Variants in PDE1A observed in about 807,000 individuals in gnomAD.
The protein encoded by PDE1A is phosphodiesterase 1A.
A neutral mutation model predicts 61.7 loss-of-function variants in PDE1A; 35 were observed. The ratio of observed to expected loss-of-function variants is 0.57; its 90% CI spans 0.43 to 0.75. The LOEUF (loss-of-function observed/expected upper bound fraction) is 0.75. Among genes scored for constraint, PDE1A ranks in the 30% least tolerant of loss-of-function variants. PDE1A has a pLI of 0.00. For missense variants in PDE1A, 597 were observed against 630.6 expected, an observed-to-expected ratio of 0.95 and a Z score of 0.57; for synonymous variants, 232 against 213.2, an observed-to-expected ratio of 1.09 and a Z score of -0.77.
chr2:182,551,624 C>T, the PDE1A span, among the ~76,000 whole-genome samples: 5 of 152,080 alleles, frequency 3.3e-5, no homozygotes, highest in African/African-American at 9.7e-5. Flanking sequence ...ACCAGTTCCC[C>T]CTAGAAAGCA....
At chr2:182,385,637 G>GA (rs372747169) in intron 1 of PDE1A, among the ~76,000 whole-genome samples, 4,694 of 53,802 alleles carry the variant, frequency 0.087, 515 homozygotes, top group Non-Finnish European at 0.11. Flanking sequence ...AAGAAAGAAA[G>GA]AAGAAGAAAG....
intron 2 of PDE1A, among the ~76,000 whole-genome samples, chr2:182,252,640 C>G (rs1420193631): frequency 6.6e-6 from 1 of 152,176 alleles, no homozygotes; most frequent in Non-Finnish European, 1.5e-5. Context: ...ACCTCTAATC[C>G]AAGACAAACT....
the PDE1A span, among the ~76,000 whole-genome samples, chr2:182,532,681 G>C: frequency 1.3e-5 from 2 of 152,244 alleles, no homozygotes; most frequent in African/African-American, 4.8e-5. Flanking sequence ...GAATTTGCCA[G>C]GCACAGTGGC....
chr2:182,154,630 C>T (rs1690967775), intron 13 of PDE1A, among the ~76,000 whole-genome samples: 1 of 152,178 alleles, frequency 6.6e-6, no homozygotes, highest in African/African-American at 2.4e-5. Flanking sequence ...CTCTTGCCTG[C>T]CGCCATGTAA....
chr2:182,653,614 T>C, the PDE1A span, among the ~76,000 whole-genome samples: 8 of 152,182 alleles, frequency 5.3e-5, no homozygotes, highest in African/African-American at 1.9e-4. Flanking sequence ...CTAGAAAAGA[T>C]AGCAATTGAA....
At chr2:182,223,441 A>G (rs988598442) in intron 7 of PDE1A, among the ~76,000 whole-genome samples, 4 of 151,952 alleles carry the variant, frequency 2.6e-5, no homozygotes, top group Non-Finnish European at 5.9e-5. Context: ...TTAATACTTC[A>G]TGTTGGCCTG....
At chr2:182,298,441 G>A (rs1695030823) in intron 1 of PDE1A, among the ~76,000 whole-genome samples, 1 of 152,132 alleles carries the variant, frequency 6.6e-6, no homozygotes, top group Non-Finnish European at 1.5e-5. Context: ...AGTCCTATAT[G>A]GTGAAGTAAG....
rs541803237 is a variant in PDE1A, at chr2:182,157,898, G to GT, written c.1517-10747dup. 1.6e-3 allele frequency among the ~76,000 whole-genome samples: 237 copies of GT among 152,326 alleles called. 3 individuals are homozygous for GT. Among genetic ancestry groups the GT allele is most frequent in the African/African-American group, 5.2e-3 (216 of 41,584 alleles). ...TTTAAGAGGCTTTAGAGAGTTGGTA[G>GT]TAGCTATGTTGATTGGGCCTAAGAA... On this transcript the variant is annotated intron_variant, in intron 13 of 13. Transcript: ENST00000409365.
At chr2:182,265,585 G>A (rs1318238942) in intron 1 of PDE1A, among the ~76,000 whole-genome samples, 4 of 152,166 alleles carry the variant, frequency 2.6e-5, no homozygotes, top group South Asian at 2.1e-4. Context: ...CAGAAACCAC[G>A]AGATAATTAA....
the PDE1A span, among the ~76,000 whole-genome samples, chr2:182,574,265 A>G: frequency 6.6e-5 from 10 of 152,114 alleles, no homozygotes; most frequent in Non-Finnish European, 1.5e-4. Flanking sequence ...TGCCTTCTCC[A>G]GCCCACTGAC....
intron 13 of PDE1A, chr2:182,168,341 A>G: frequency 3.3e-6 from 5 of 1,501,596 alleles, no homozygotes; most frequent in South Asian, 2.5e-5. Flanking sequence ...AAAATGCTGT[A>G]AAGAAGTTAT....
At chr2:182,466,223 T>C (rs1686650030) in intron 2 of PDE1A, among the ~76,000 whole-genome samples, 1 of 152,096 alleles carries the variant, frequency 6.6e-6, no homozygotes, top group East Asian at 1.9e-4. Flanking sequence ...TCTTCTATCC[T>C]ACTATTTAAA....
At chr2:182,366,624 T>C (rs1250807636) in intron 1 of PDE1A, among the ~76,000 whole-genome samples, 2 of 73,502 alleles carry the variant, frequency 2.7e-5, no homozygotes, top group Non-Finnish European at 5.6e-5. Context: ...AATTGAAAGC[T>C]CATTTCACAT....
At chr2:182,489,776 T>G (rs1009928799) in intron 2 of PDE1A, among the ~76,000 whole-genome samples, 6 of 151,466 alleles carry the variant, frequency 4.0e-5, no homozygotes, top group African/African-American at 1.5e-4. Flanking sequence ...TTTGGAAATG[T>G]TCAGTCTGAG....
At chr2:182,637,132 C>T in the PDE1A span, among the ~76,000 whole-genome samples, 1 of 152,218 alleles carries the variant, frequency 6.6e-6, no homozygotes, top group East Asian at 1.9e-4. Context: ...ATCACATCTG[C>T]AAAATTCCTT....
intron 4 of PDE1A, among the ~76,000 whole-genome samples, chr2:182,233,856 A>G (rs1017869271): frequency 6.6e-6 from 1 of 151,992 alleles, no homozygotes; most frequent in Non-Finnish European, 1.5e-5. Flanking sequence ...CTCACTTCAG[A>G]GTTTCAACTC....
At chr2:182,605,038 A>ATT in the PDE1A span, among the ~76,000 whole-genome samples, 1 of 147,808 alleles carries the variant, frequency 6.8e-6, no homozygotes, top group Non-Finnish European at 1.5e-5. Context: ...AGGGGAGTGG[A>ATT]TTTTTTTTTT....
chr2:182,440,547 G>A (rs192736266), intron 2 of PDE1A, among the ~76,000 whole-genome samples: 1 of 152,074 alleles, frequency 6.6e-6, no homozygotes, highest in East Asian at 1.9e-4. Flanking sequence ...CATTTATGAA[G>A]AAGAAATAAT....
chr2:182,418,404 G>A (rs892103720), intron 1 of PDE1A, among the ~76,000 whole-genome samples: 3 of 152,098 alleles, frequency 2.0e-5, no homozygotes, highest in African/African-American at 7.2e-5. Context: ...TCTCAGGCAT[G>A]CTATAACCCT....
Sources: gnomAD v4.1 joint callset for allele counts (sites outside exome capture counted in the v4.1 genomes callset) on GRCh38, gnomAD v4.1.1 for gene constraint, MANE v1.5 for transcripts, NCBI Gene and HGNC (gene_info 2026-07-23, HGNC 2026-07-21) for gene names.